Variants in TNIK observed in about 807,000 individuals in gnomAD.
The protein encoded by TNIK is TRAF2 and NCK-interacting protein kinase.
Under a neutral mutation model 191.3 loss-of-function variants are expected in TNIK, and 49 were observed. The ratio of observed to expected loss-of-function variants is 0.26; its 90% CI spans 0.20 to 0.32. TNIK has a LOEUF of 0.32. Among genes scored for constraint, TNIK ranks in the 10% least tolerant of loss-of-function variants. The probability of loss-of-function intolerance (pLI) is 1.00; values close to 1 mark genes in which losing one functional copy is unlikely to be tolerated. For missense variants in TNIK, 1,155 were observed against 1,702.3 expected (o/e 0.68, Z 5.66); for synonymous variants, 594 against 600.9 (o/e 0.99, Z 0.17).
Position 171,063,820 on chromosome 3 carries a change from T to C in TNIK, c.*61A>G. 1 of 1,550,688 alleles carries C rather than the reference T, an allele frequency of 6.4e-7. No individual in the cohort carries two copies. The highest frequency in any genetic ancestry group is 1.2e-5 in the South Asian group (1 of 86,282). On this transcript the variant is annotated 3_prime_UTR_variant, in exon 33 of 33. Transcript: ENST00000436636. ...GCCTCTAGACTGGCATAAGTCCACA[T>C]GAGTTATGTTCTTTTAAATTAGAAA... is the stretch of plus-strand genomic sequence containing the variant.
rs141618690 is a variant in TNIK at position 171,296,586 on chromosome 3, G to A, written c.124-68365C>T. On this transcript the variant is annotated intron_variant, in intron 2 of 32. Transcript: ENST00000436636. ...TCCTGATTCACCACCTTCTCATTAT[G>A]AGATTTGGAGCAAGTTACCTCACAG... Among the ~76,000 whole-genome samples, 323 of 152,308 alleles carry A rather than the reference G, an allele frequency of 2.1e-3. 2 individuals are homozygous for A. The highest frequency in any genetic ancestry group is 7.2e-3 in the African/African-American group (301 of 41,562).
chr3:171,059,085 C>T lies in TNIK; in HGVS notation c.*4796G>A, dbSNP rs1412512755. Among the ~76,000 whole-genome samples, 4 of 152,192 alleles carry T rather than the reference C, an allele frequency of 2.6e-5. No individual in the cohort carries two copies. The highest frequency in any genetic ancestry group is 9.6e-5 in the African/African-American group (4 of 41,458). Reference sequence around the variant, plus strand: ...CACCTTTCCACCAGCATTTGCTCAGCCTCAATAGTGCAATGCAACTTGGTG... The same window carrying T: ...CACCTTTCCACCAGCATTTGCTCAGTCTCAATAGTGCAATGCAACTTGGTG... On this transcript the variant is annotated 3_prime_UTR_variant, in exon 33 of 33. Coordinates refer to ENST00000436636, the MANE Select transcript of TNIK (RefSeq NM_015028.4).
At chr3:171,087,784 T>C (rs1721560677) in intron 23 of TNIK, among the ~76,000 whole-genome samples, 1 of 152,230 alleles carries the variant, frequency 6.6e-6, no homozygotes, top group African/African-American at 2.4e-5. Flanking sequence ...AGGGAGACGC[T>C]ACAAAAAGGG....
At chr3:171,332,143 G>A (rs1026574065) in intron 2 of TNIK, among the ~76,000 whole-genome samples, 8 of 152,168 alleles carry the variant, frequency 5.3e-5, no homozygotes, top group African/African-American at 1.9e-4. Context: ...CTAACTGTGT[G>A]TATATGAGTA....
chr3:171,405,189 A>C (rs370418637), intron 1 of TNIK, among the ~76,000 whole-genome samples: 25 of 152,306 alleles, frequency 1.6e-4, no homozygotes, highest in African/African-American at 6.0e-4. Context: ...GAACGCAAGC[A>C]GTCAAACTCA....
At chr3:171,165,727 C>A (rs2108750909) in intron 10 of TNIK, among the ~76,000 whole-genome samples, 1 of 152,284 alleles carries the variant, frequency 6.6e-6, no homozygotes, top group South Asian at 2.1e-4. Flanking sequence ...ATGTGCCTCC[C>A]CTCCCATCCT....
intron 5 of TNIK, among the ~76,000 whole-genome samples, chr3:171,193,522 A>G (rs1277097784): frequency 6.6e-6 from 1 of 152,226 alleles, no homozygotes; most frequent in African/African-American, 2.4e-5. Context: ...AGTCATTCAC[A>G]TCAATGTTAT....
intron 2 of TNIK, among the ~76,000 whole-genome samples, chr3:171,301,399 C>G (rs1054130729): frequency 2.6e-5 from 4 of 151,470 alleles, no homozygotes; most frequent in African/African-American, 9.7e-5. Flanking sequence ...ACTGCAACCT[C>G]CACCTCCTGG....
chr3:171,149,886 C>G (rs1732199209), intron 12 of TNIK, among the ~76,000 whole-genome samples: 1 of 152,218 alleles, frequency 6.6e-6, no homozygotes, highest in Non-Finnish European at 1.5e-5. Flanking sequence ...CCACTGCTCA[C>G]AGGACACACT....
intron 23 of TNIK, 73 bp downstream of exon 23, chr3:171,093,764 TTC>T (rs1473698082): frequency 6.4e-7 from 1 of 1,574,478 alleles, no homozygotes; most frequent in African/African-American, 1.4e-5. Context: ...GCCATAGGCA[TTC>T]TCTGTGAAAG....
At chr3:171,395,876 G>A (rs575606859) in intron 1 of TNIK, among the ~76,000 whole-genome samples, 2 of 152,220 alleles carry the variant, frequency 1.3e-5, no homozygotes, top group East Asian at 3.9e-4. Flanking sequence ...ATAGCCCAGG[G>A]TAATGTCTTG....
At chr3:171,252,999 G>A (rs774374220) in intron 2 of TNIK, among the ~76,000 whole-genome samples, 37 of 152,146 alleles carry the variant, frequency 2.4e-4, no homozygotes, top group Non-Finnish European at 5.0e-4. Flanking sequence ...AACTAGGGCC[G>A]GGCACAGTGG....
Position 171,394,693 on chromosome 3 carries a change from T to G in TNIK, c.58-25008A>C, listed in dbSNP as rs150351469. Reference sequence around the variant, plus strand: ...CAAACAGGATTTCAATTCTTGTTACTCTTGGGTTTTGTCTAAAAAACAAAT... The same window carrying G: ...CAAACAGGATTTCAATTCTTGTTACGCTTGGGTTTTGTCTAAAAAACAAAT... On this transcript the variant is annotated intron_variant, in intron 1 of 32. Transcript: ENST00000436636. 7.5e-3 allele frequency among the ~76,000 whole-genome samples: 1,142 copies of G among 152,344 alleles called. 11 individuals carry two copies. Among genetic ancestry groups the G allele is most frequent in the African/African-American group, 0.026 (1,080 of 41,568 alleles).
At chr3:171,070,775 G>A (rs746880697) in intron 29 of TNIK, among the ~76,000 whole-genome samples, 22 of 152,200 alleles carry the variant, frequency 1.4e-4, no homozygotes, top group Non-Finnish European at 2.6e-4. Context: ...GGACATATAA[G>A]CATCACCTGA....
chr3:171,440,634 G>T (rs112008149), intron 1 of TNIK, among the ~76,000 whole-genome samples: 2,507 of 152,324 alleles, frequency 0.016, 80 homozygotes, highest in African/African-American at 0.058. Context: ...GTCACGAGCA[G>T]GCATTCATTT....
intron 10 of TNIK, among the ~76,000 whole-genome samples, chr3:171,162,972 T>C (rs1261943149): frequency 6.6e-6 from 1 of 152,188 alleles, no homozygotes; most frequent in African/African-American, 2.4e-5. Flanking sequence ...TTGAAGTCTT[T>C]GGAGAAAAAA....
At chr3:171,078,051 T>C (rs2108351209) in intron 28 of TNIK, among the ~76,000 whole-genome samples, 1 of 152,326 alleles carries the variant, frequency 6.6e-6, no homozygotes, top group East Asian at 1.9e-4. Context: ...GTCTATTGTA[T>C]GTAAACTGTT....
Position 171,122,078 on chromosome 3 carries a change from A to G in TNIK, c.2120+1518T>C, listed in dbSNP as rs145568511. On this transcript the variant is annotated intron_variant, in intron 18 of 32. Coordinates refer to ENST00000436636, the MANE Select transcript of TNIK (RefSeq NM_015028.4). ...GTAAACCACTGACCATCAAATACCA[A>G]TTATCTTAGGCCTTAATGTCACTAA... 9.8e-5 allele frequency among the ~76,000 whole-genome samples: 15 copies of G among 152,326 alleles called. No homozygotes were observed. The East Asian group carries it at 2.7e-3, about 27-fold the overall frequency.
chr3:171,435,335 C>T (rs1286185840), intron 1 of TNIK, among the ~76,000 whole-genome samples: 1 of 152,152 alleles, frequency 6.6e-6, no homozygotes, highest in Non-Finnish European at 1.5e-5. Flanking sequence ...CTACCTCCCC[C>T]ATGCTGGGGA....
Sources: gnomAD v4.1 joint callset for allele counts (sites outside exome capture counted in the v4.1 genomes callset) on GRCh38, gnomAD v4.1.1 for gene constraint, MANE v1.5 for transcripts, NCBI Gene and HGNC (gene_info 2026-07-23, HGNC 2026-07-21) for gene names.